AKNAD1: variants seen among roughly 807,000 people sequenced by gnomAD.
The protein encoded by AKNAD1 is protein AKNAD1.
A neutral mutation model predicts 90.8 loss-of-function variants in AKNAD1; 67 were observed. That is an observed-to-expected ratio of 0.74 (90% CI 0.61 to 0.90). The LOEUF (loss-of-function observed/expected upper bound fraction) is 0.90. AKNAD1 is among the 40% of genes least tolerant of loss of function. AKNAD1 has a pLI of 0.00. For synonymous variants in AKNAD1, 327 were observed against 341.4 expected, an observed-to-expected ratio of 0.96 and a Z score of 0.46; for missense variants, 957 against 975.4, an observed-to-expected ratio of 0.98 and a Z score of 0.25.
At chr1:108,830,818 A>G (rs1050650225) in intron 9 of AKNAD1, 168 bp from the exon 10 acceptor site, 4 of 641,238 alleles carry the variant, frequency 6.2e-6, no homozygotes, top group East Asian at 2.7e-5. Context: ...GCAGGGGGAC[A>G]GGAGGGAAAG....
In AKNAD1 at chr1:108,816,079, C is replaced by A; in HGVS notation, c.*92G>T. On this transcript the variant is annotated 3_prime_UTR_variant, in exon 16 of 16. Coordinates refer to ENST00000370001, the MANE Select transcript of AKNAD1 (RefSeq NM_152763.5). ...GTGTTTTCTCTAGAAAGTCATCTTC[C>A]TAAATTGTGTAGTAAGTAAAATACA... The A allele has an allele frequency of 7.6e-7, 1 of 1,321,304 alleles. No individual in the cohort carries two copies. The highest frequency in any genetic ancestry group is 9.9e-7 in the Non-Finnish European group (1 of 1,006,238). The allele number at this position is 1,321,304 out of a possible 1,614,324, so 81.8% of individuals were successfully genotyped here.
chr1:108,835,957 T>A (rs925961042), intron 7 of AKNAD1, among the ~76,000 whole-genome samples: 3 of 152,190 alleles, frequency 2.0e-5, no homozygotes, highest in African/African-American at 7.2e-5. Flanking sequence ...CTTACAGAAA[T>A]GTAAGCATCT....
intron 1 of AKNAD1, among the ~76,000 whole-genome samples, chr1:108,853,422 C>T (rs1249436720): frequency 2.0e-4 from 31 of 151,796 alleles, no homozygotes; most frequent in South Asian, 6.2e-4. Context: ...TGAGCCACCG[C>T]GCCCGGCCTG....
Position 108,837,677 on chromosome 1 carries a change from T to A in AKNAD1, c.1409A>T (p.Glu470Val). The change falls in exon 7 of 16, where the codon GAG becomes GTG. Residue 470 changes from glutamate to valine, a missense_variant. Coordinates refer to ENST00000370001, the MANE Select transcript of AKNAD1 (RefSeq NM_152763.5). ...RKVEGEIFKLEMLLEDVKEKM... is the reference protein window; with the variant it reads ...RKVEGEIFKLVMLLEDVKEKM... ...CTCTTTAACATCTTCAAGCAGCATC[T>A]CCAATTTGAAGATTTCACCTTCCAC... 1 of 1,614,162 alleles carries A rather than the reference T, an allele frequency of 6.2e-7. No homozygotes were observed. The highest frequency in any genetic ancestry group is 1.7e-5 in the Admixed American group (1 of 60,020).
intron 7 of AKNAD1, among the ~76,000 whole-genome samples, chr1:108,835,279 A>G (rs983884663): frequency 1.2e-4 from 18 of 152,074 alleles, no homozygotes; most frequent in African/African-American, 4.3e-4. Flanking sequence ...TAGTAATTCA[A>G]ACCTTCTGCA....
intron 6 of AKNAD1, among the ~76,000 whole-genome samples, chr1:108,839,322 A>G (rs1041559828): frequency 6.6e-6 from 1 of 152,180 alleles, no homozygotes; most frequent in Non-Finnish European, 1.5e-5. Flanking sequence ...CGTCTCTACT[A>G]AAAATACAGA....
chr1:108,817,661 C>T (rs954993741), intron 14 of AKNAD1, among the ~76,000 whole-genome samples: 12 of 151,442 alleles, frequency 7.9e-5, no homozygotes, highest in African/African-American at 2.9e-4. Context: ...GCCACCACGC[C>T]CGGCTAATTT....
At position 108,848,737 on chromosome 1, in the gene AKNAD1, G is replaced by T; in HGVS notation, c.1245+15C>A. 6.3e-7 allele frequency: 1 copy of T among 1,598,506 alleles called. No homozygotes were observed. The highest frequency in any genetic ancestry group is 1.1e-5 in the South Asian group (1 of 87,494). ...TCTCTAATCAAGATTTTAAAAACGG[G>T]ATAAAATTCATTACCAGCTTCTTGT... On this transcript the variant is annotated intron_variant, in intron 5 of 15. Coordinates refer to ENST00000370001, the MANE Select transcript of AKNAD1 (RefSeq NM_152763.5).
chr1:108,836,939 G>A (rs2101191580), intron 7 of AKNAD1: 1 of 152,316 alleles, frequency 6.6e-6, no homozygotes, highest in African/African-American at 2.4e-5. Flanking sequence ...ATTTCACTGA[G>A]TGTGCTATTC....
chr1:108,845,281 G>A lies in AKNAD1; in HGVS notation c.1246-2014C>T, dbSNP rs1664672425. Among the ~76,000 whole-genome samples the A allele has an allele frequency of 2.6e-5, 4 of 152,268 alleles. No individual in the cohort carries two copies. The South Asian group carries it at 6.2e-4, about 24-fold the overall frequency. On this transcript the variant is annotated intron_variant, in intron 5 of 15. Coordinates refer to ENST00000370001, the MANE Select transcript of AKNAD1 (RefSeq NM_152763.5). ...TGGACTGCACCACAGGCTCCCCTGGGCCCTGGCTTTGGTTGGTTTTAGTCG... is the reference window on the plus strand; with the variant it reads ...TGGACTGCACCACAGGCTCCCCTGGACCCTGGCTTTGGTTGGTTTTAGTCG...
At chr1:108,843,329 A>G in intron 5 of AKNAD1, 62 bp from the exon 6 acceptor site, 1 of 1,588,014 alleles carries the variant, frequency 6.3e-7, no homozygotes, top group Non-Finnish European at 8.6e-7. Flanking sequence ...TTGTTTTCCC[A>G]AAAACACAAA....
intron 14 of AKNAD1, among the ~76,000 whole-genome samples, chr1:108,818,095 TGC>T (rs1306658443): frequency 6.6e-6 from 1 of 152,102 alleles, no homozygotes; most frequent in African/African-American, 2.4e-5. Context: ...GGGGGTTATT[TGC>T]ATAGTCTGTG....
intron 6 of AKNAD1, among the ~76,000 whole-genome samples, chr1:108,838,668 A>G (rs1001069539): frequency 7.9e-5 from 12 of 152,140 alleles, no homozygotes; most frequent in African/African-American, 1.2e-4. Context: ...CTTCCAAAAT[A>G]TCTATGAAAC....
upstream of AKNAD1, chr1:108,858,210 T>C (rs938504451): frequency 2.0e-5 from 3 of 152,552 alleles, no homozygotes; most frequent in African/African-American, 7.2e-5. Context: ...TTCAAAATCA[T>C]GGCGTGCCTG....
chr1:108,823,340 T>G, intron 13 of AKNAD1, 30 bp downstream of exon 13: 1 of 1,500,004 alleles, frequency 6.7e-7, no homozygotes, highest in Non-Finnish European at 9.3e-7. Flanking sequence ...GTTGTTGATA[T>G]GGATGGGGTC....
chr1:108,844,149 G>C (rs563852941), intron 5 of AKNAD1, among the ~76,000 whole-genome samples: 13 of 152,158 alleles, frequency 8.5e-5, no homozygotes, highest in Admixed American at 8.5e-4. Flanking sequence ...GATCATTTTA[G>C]GTCATTAGTT....
At chr1:108,826,736 CTTTTTCTTTT>C (rs1357361238) in intron 11 of AKNAD1, among the ~76,000 whole-genome samples, 4 of 114,792 alleles carry the variant, frequency 3.5e-5, no homozygotes, top group African/African-American at 7.5e-5. Context: ...CTTTTCTTTT[CTTTTTCTTTT>C]TTTTTTTTTT....
intron 15 of AKNAD1, chr1:108,816,818 C>T (rs1663626324): frequency 6.6e-6 from 3 of 456,628 alleles, no homozygotes; most frequent in Non-Finnish European, 1.2e-5. Context: ...AGGCACCACC[C>T]ACAAATCACT....
chr1:108,823,105 C>A, intron 13 of AKNAD1: 1 of 670,574 alleles, frequency 1.5e-6, no homozygotes, highest in Non-Finnish European at 2.7e-6. Context: ...TTATGGGTTG[C>A]TACCAACTTG....
Sources: allele counts gnomAD v4.1 joint callset (sites outside exome capture counted in the v4.1 genomes callset), GRCh38; gene constraint gnomAD v4.1.1; transcripts MANE v1.5; gene names NCBI Gene and HGNC (gene_info 2026-07-23, HGNC 2026-07-21).